PPP4R2: variants seen among roughly 807,000 people sequenced by gnomAD.
The protein encoded by PPP4R2 is serine/threonine-protein phosphatase 4 regulatory subunit 2.
PPP4R2 carries 13 observed loss-of-function variants against 47.2 expected under a neutral mutation model. That is an observed-to-expected ratio of 0.28 (90% CI 0.18 to 0.44). PPP4R2 has a LOEUF of 0.44. Among genes scored for constraint, PPP4R2 ranks in the 20% least tolerant of loss-of-function variants. PPP4R2 has a pLI of 1.00. For missense variants in PPP4R2, 421 were observed against 491.2 expected, an observed-to-expected ratio of 0.86 and a Z score of 1.35; for synonymous variants, 151 against 163.3, an observed-to-expected ratio of 0.92 and a Z score of 0.57.
chr3:73,001,443 A>G (rs537185806), intron 2 of PPP4R2, among the ~76,000 whole-genome samples: 2 of 149,026 alleles, frequency 1.3e-5, no homozygotes, highest in Non-Finnish European at 3.0e-5. Flanking sequence ...ATGCGCCTGT[A>G]GTCCCAGCTA....
intron 2 of PPP4R2, among the ~76,000 whole-genome samples, chr3:73,033,407 G>C (rs995045812): frequency 6.6e-6 from 1 of 152,156 alleles, no homozygotes; most frequent in African/African-American, 2.4e-5. Context: ...GTGCTTTGCT[G>C]TGAGACTATT....
At chr3:73,060,954 A>G in intron 4 of PPP4R2, 69 bp from the exon 5 acceptor site, 1 of 1,118,528 alleles carries the variant, frequency 8.9e-7, no homozygotes, top group Admixed American at 2.5e-5. Context: ...GATTTTAGAA[A>G]CAAAAATGAT....
At chr3:73,021,448 G>A (rs1479383119) in intron 2 of PPP4R2, among the ~76,000 whole-genome samples, 1 of 151,864 alleles carries the variant, frequency 6.6e-6, no homozygotes, top group Non-Finnish European at 1.5e-5. Context: ...TTTTGCCCAG[G>A]CTGGTCTCAA....
intron 2 of PPP4R2, among the ~76,000 whole-genome samples, chr3:73,019,673 C>A (rs1701920529): frequency 6.6e-6 from 1 of 152,054 alleles, no homozygotes; most frequent in Non-Finnish European, 1.5e-5. Context: ...CATGCCCGGC[C>A]CCTAGAAGCT....
At chr3:73,012,475 A>G (rs1237396678) in intron 2 of PPP4R2, among the ~76,000 whole-genome samples, 1 of 152,000 alleles carries the variant, frequency 6.6e-6, no homozygotes, top group African/African-American at 2.4e-5. Flanking sequence ...AATTTTTTAA[A>G]TATTTTTAGT....
chr3:73,025,371 G>A (rs977237030), intron 2 of PPP4R2, among the ~76,000 whole-genome samples: 5 of 152,132 alleles, frequency 3.3e-5, no homozygotes, highest in African/African-American at 1.2e-4. Flanking sequence ...TTCTATTATT[G>A]TGAGACGTTT....
At chr3:73,019,162 GT>G (rs1701908417) in intron 2 of PPP4R2, among the ~76,000 whole-genome samples, 3 of 152,168 alleles carry the variant, frequency 2.0e-5, no homozygotes, top group African/African-American at 7.2e-5. Context: ...ACCATTACAG[GT>G]TTGCAGGCTA....
chr3:73,050,599 G>A (rs943980052), intron 3 of PPP4R2, among the ~76,000 whole-genome samples: 17 of 152,072 alleles, frequency 1.1e-4, no homozygotes, highest in African/African-American at 2.9e-4. Context: ...GTATGTTCAC[G>A]CTTTTAAAAA....
At chr3:72,998,697 A>G (rs1307810218) in intron 2 of PPP4R2, among the ~76,000 whole-genome samples, 1 of 152,160 alleles carries the variant, frequency 6.6e-6, no homozygotes, top group Admixed American at 6.6e-5. Context: ...AAGATAGCTG[A>G]CTTGTTACAT....
chr3:73,054,542 T>C (rs1446800966), intron 3 of PPP4R2, among the ~76,000 whole-genome samples: 1 of 149,424 alleles, frequency 6.7e-6, no homozygotes, highest in Non-Finnish European at 1.5e-5. Context: ...ACCACTAATG[T>C]GGTCATTTAG....
intron 4 of PPP4R2, 70 bp downstream of exon 4, chr3:73,059,200 A>G (rs1702791899): frequency 1.3e-6 from 1 of 764,210 alleles, no homozygotes; most frequent in Admixed American, 3.0e-5. Context: ...AAGAACATTG[A>G]GTAAGATCTG....
intron 2 of PPP4R2, among the ~76,000 whole-genome samples, chr3:73,005,654 GCCTGACCAACA>G (rs1701594018): frequency 6.6e-6 from 1 of 151,860 alleles, no homozygotes; most frequent in African/African-American, 2.4e-5. Context: ...TTCAAGACCA[GCCTGACCAACA>G]TGGAGAAACC....
intron 5 of PPP4R2, chr3:73,062,604 A>T: frequency 1.2e-6 from 2 of 1,614,018 alleles, no homozygotes; most frequent in Non-Finnish European, 1.7e-6. Context: ...GCCTAACTTT[A>T]TTGCCCTTGA....
intron 2 of PPP4R2, among the ~76,000 whole-genome samples, chr3:73,039,433 C>T (rs1702332290): frequency 1.3e-5 from 2 of 152,098 alleles, no homozygotes; most frequent in South Asian, 4.1e-4. Context: ...AAAAACAATA[C>T]TTTTTACCTT....
At chr3:73,006,046 CTT>C (rs1183889621) in intron 2 of PPP4R2, among the ~76,000 whole-genome samples, 1 of 152,024 alleles carries the variant, frequency 6.6e-6, no homozygotes, top group African/African-American at 2.4e-5. Context: ...CTCCAAGCAA[CTT>C]TTTGTCAATG....
chr3:73,040,726 T>G (rs1351354720), intron 2 of PPP4R2, among the ~76,000 whole-genome samples: 1 of 152,168 alleles, frequency 6.6e-6, no homozygotes, highest in African/African-American at 2.4e-5. Context: ...TTGGCCGGGC[T>G]GGTCTTGAAC....
chr3:73,066,971 C>T lies in PPP4R2; in HGVS notation c.*1249C>T, dbSNP rs973651050. 6.6e-6 allele frequency: 1 copy of T among 152,104 alleles called. No homozygotes were observed. Among genetic ancestry groups the T allele is most frequent in the Non-Finnish European group, 1.5e-5 (1 of 67,952 alleles). The allele number at this position is 152,104 out of a possible 1,614,324, so 9.4% of individuals were successfully genotyped here. ...ATATTTAAAGTCATGCAAGCTGTAA[C>T]TTCCCTGTCAAAATTACTGGCTGCC... On this transcript the variant is annotated 3_prime_UTR_variant, in exon 9 of 9. Transcript: ENST00000356692.
At chr3:73,010,509 A>G (rs1701700481) in intron 2 of PPP4R2, among the ~76,000 whole-genome samples, 1 of 151,868 alleles carries the variant, frequency 6.6e-6, no homozygotes, top group Non-Finnish European at 1.5e-5. Flanking sequence ...CTTAGAAGAC[A>G]GTCATGGTTA....
At position 73,066,595 on chromosome 3, in the gene PPP4R2, G is replaced by A. The variant is rs1363372532; in HGVS notation, c.*873G>A. ...TAGCTTACTATTTTGTAGAATGAAT[G>A]TTTATGAAGCTGATATGAGACCATC... On this transcript the variant is annotated 3_prime_UTR_variant, in exon 9 of 9. Transcript: ENST00000356692. 1 of 152,030 alleles carries A rather than the reference G, an allele frequency of 6.6e-6. No individual in the cohort carries two copies. The highest frequency in any genetic ancestry group is 1.5e-5 in the Non-Finnish European group (1 of 67,940). The allele number at this position is 152,030 out of a possible 1,614,324, so 9.4% of individuals were successfully genotyped here. A position where few individuals can be genotyped will look rare whatever the true frequency, so the allele number is the denominator to read the frequency against.
Sources: gnomAD v4.1 joint callset for allele counts (sites outside exome capture counted in the v4.1 genomes callset) on GRCh38, gnomAD v4.1.1 for gene constraint, MANE v1.5 for transcripts, NCBI Gene and HGNC (gene_info 2026-07-23, HGNC 2026-07-21) for gene names.